Variants in TAOK1 observed in about 807,000 individuals in gnomAD.
The protein encoded by TAOK1 is serine/threonine-protein kinase TAO1.
In TAOK1, 21 loss-of-function variants were observed where a neutral mutation model predicts 138.3. The ratio of observed to expected loss-of-function variants is 0.15; its 90% CI spans 0.11 to 0.22. TAOK1 has a LOEUF of 0.22. TAOK1 is among the 10% of genes least tolerant of loss of function. The pLI, the probability that TAOK1 is intolerant of heterozygous loss-of-function variation, is 1.00. For missense variants in TAOK1, 651 were observed against 1,227.7 expected (o/e 0.53, Z 7.02); for synonymous variants, 361 against 398.4 (o/e 0.91, Z 1.12).
rs551389091 is a variant in TAOK1 at position 29,402,087 on chromosome 17, C to T, written c.-95+11063C>T. Among the ~76,000 whole-genome samples, 10 of 152,152 alleles carry T rather than the reference C, an allele frequency of 6.6e-5. No homozygotes were observed. In the East Asian group the frequency reaches 1.9e-3, roughly 29 times the overall value. On this transcript the variant is annotated intron_variant, in intron 1 of 19. Transcript: ENST00000261716. ...CTGATTCATCTGTAGTCTATTTAGT[C>T]GTTATATTGGGTATATTTACCTTTC... is the stretch of plus-strand genomic sequence containing the variant.
At chr17:29,487,875 A>G (rs2031205726) in intron 8 of TAOK1, among the ~76,000 whole-genome samples, 1 of 152,264 alleles carries the variant, frequency 6.6e-6, no homozygotes. Context: ...GAGAAACTTT[A>G]TCATGAAGAA....
At chr17:29,513,563 C>T (rs1433069209) in intron 15 of TAOK1, 1 of 152,106 alleles carries the variant, frequency 6.6e-6, no homozygotes, top group African/African-American at 2.4e-5. Context: ...TATTTGTGTT[C>T]ATTTAGAATA....
intron 10 of TAOK1, among the ~76,000 whole-genome samples, chr17:29,494,825 C>CAAAAAAA (rs368548444): frequency 2.1e-5 from 1 of 48,308 alleles, no homozygotes; most frequent in Non-Finnish European, 4.5e-5. Flanking sequence ...GACTCCGTCT[C>CAAAAAAA]AAAAAAAAAA....
chr17:29,538,749 A>C (rs1204029094), intron 19 of TAOK1, among the ~76,000 whole-genome samples: 1 of 152,244 alleles, frequency 6.6e-6, no homozygotes, highest in Non-Finnish European at 1.5e-5. Context: ...TCACATGTAC[A>C]TGAAGTCTTG....
intron 2 of TAOK1, among the ~76,000 whole-genome samples, chr17:29,459,639 A>T (rs908299074): frequency 1.3e-5 from 2 of 151,830 alleles, no homozygotes; most frequent in Admixed American, 6.6e-5. Flanking sequence ...TTCTTTATCT[A>T]TTTGTCTGTT....
intron 1 of TAOK1, among the ~76,000 whole-genome samples, chr17:29,394,046 G>A (rs943001807): frequency 6.7e-6 from 1 of 149,982 alleles, no homozygotes; most frequent in African/African-American, 2.5e-5. Flanking sequence ...CCCATGTTAC[G>A]ATGCCATTTT....
chr17:29,525,075 C>G (rs2031986721), intron 17 of TAOK1, among the ~76,000 whole-genome samples: 1 of 151,570 alleles, frequency 6.6e-6, no homozygotes, highest in Non-Finnish European at 1.5e-5. Context: ...GGAATGATTA[C>G]AGTATTCCTG....
intron 3 of TAOK1, 24 bp downstream of exon 3, chr17:29,467,240 G>A (rs1449002062): frequency 7.0e-7 from 1 of 1,435,252 alleles, no homozygotes; most frequent in Non-Finnish European, 9.6e-7. Flanking sequence ...GTACATTCTT[G>A]TTTTTTTCTT....
intron 3 of TAOK1, among the ~76,000 whole-genome samples, chr17:29,467,425 C>T (rs2030697452): frequency 6.6e-6 from 1 of 152,124 alleles, no homozygotes; most frequent in South Asian, 2.1e-4. Flanking sequence ...AGGCACCCGC[C>T]ACCACGCCCA....
At position 29,456,715 on chromosome 17, in the gene TAOK1, T is replaced by C. The variant is rs141570791; in HGVS notation, c.132+5035T>C. ...GTATACTCAACCTATAATGTTCTCA[T>C]ATAGTTCTATTTCTTTTTTTGTTTT... On this transcript the variant is annotated intron_variant, in intron 2 of 19. Transcript: ENST00000261716. Among the ~76,000 whole-genome samples, 480 of 150,692 alleles carry C rather than the reference T, an allele frequency of 3.2e-3. 5 individuals are homozygous for C. Among genetic ancestry groups the C allele is most frequent in the East Asian group, 2.3e-3 (12 of 5,180 alleles).
intron 10 of TAOK1, among the ~76,000 whole-genome samples, chr17:29,493,442 T>C (rs1246160982): frequency 6.7e-6 from 1 of 149,726 alleles, no homozygotes; most frequent in Non-Finnish European, 1.5e-5. Context: ...TGTGGTGAGC[T>C]GAGATCGCAC....
chr17:29,406,375 A>G (rs566562328), intron 1 of TAOK1, among the ~76,000 whole-genome samples: 1 of 152,176 alleles, frequency 6.6e-6, no homozygotes, highest in South Asian at 2.1e-4. Context: ...AAAAAATAAA[A>G]GTACAAAGGG....
intron 1 of TAOK1, among the ~76,000 whole-genome samples, chr17:29,432,574 C>T (rs902896194): frequency 1.3e-5 from 2 of 152,214 alleles, no homozygotes; most frequent in African/African-American, 4.8e-5. Context: ...TCGTGATCCA[C>T]CCATCTCGGC....
At chr17:29,422,821 C>A (rs1263421835) in intron 1 of TAOK1, among the ~76,000 whole-genome samples, 4 of 152,118 alleles carry the variant, frequency 2.6e-5, no homozygotes, top group Non-Finnish European at 5.9e-5. Flanking sequence ...GTCAGGAGTT[C>A]GAGACCAGCT....
At chr17:29,391,419 T>G (rs1220772849) in intron 1 of TAOK1, among the ~76,000 whole-genome samples, 4 of 152,176 alleles carry the variant, frequency 2.6e-5, no homozygotes, top group Non-Finnish European at 4.4e-5. Flanking sequence ...CTGGGTGGCT[T>G]GCTGGGTGGA....
intron 16 of TAOK1, among the ~76,000 whole-genome samples, chr17:29,518,065 A>T (rs1375911135): frequency 2.6e-5 from 4 of 152,192 alleles, no homozygotes; most frequent in Non-Finnish European, 4.4e-5. Context: ...CATGTTGGCC[A>T]GGCTGTTCTT....
In TAOK1 at chr17:29,467,136, C is replaced by T. The variant is rs2030687638; in HGVS notation, c.133-9C>T. On this transcript the variant is annotated splice_polypyrimidine_tract_variant and intron_variant, in intron 2 of 19. Transcript: ENST00000261716. ...TTTTACAGTGCTTCTTTCTTTCTTT[C>T]TTCTTTAGGCACGAGATGTGCGTAC... The T allele has an allele frequency of 1.3e-6, 2 of 1,570,756 alleles. No individual in the cohort carries two copies. Among genetic ancestry groups the T allele is most frequent in the African/African-American group, 1.4e-5 (1 of 73,518 alleles).
At chr17:29,430,322 C>A (rs34560840) in intron 1 of TAOK1, among the ~76,000 whole-genome samples, 2,761 of 152,302 alleles carry the variant, frequency 0.018, 38 homozygotes, top group Non-Finnish European at 0.03. Flanking sequence ...TTCATGCTCA[C>A]CTCATGTAAC....
At chr17:29,484,461 T>C (rs2031126572) in intron 8 of TAOK1, among the ~76,000 whole-genome samples, 1 of 152,230 alleles carries the variant, frequency 6.6e-6, no homozygotes, top group Non-Finnish European at 1.5e-5. Context: ...GTTCTGTAGC[T>C]ATGGCTTTTC....
Sources: allele counts gnomAD v4.1 joint callset (sites outside exome capture counted in the v4.1 genomes callset), GRCh38; gene constraint gnomAD v4.1.1; transcripts MANE v1.5; gene names NCBI Gene and HGNC (gene_info 2026-07-23, HGNC 2026-07-21).